GNG8: variants seen among roughly 807,000 people sequenced by gnomAD.
The protein encoded by GNG8 is G protein subunit gamma 8.
GNG8 carries 3 observed loss-of-function variants against 4.6 expected under a neutral mutation model. The ratio of observed to expected loss-of-function variants is 0.65; its 90% CI spans 0.29 to 1.67. GNG8 has a LOEUF of 1.67. GNG8 is among the 40% of genes most tolerant of loss of function. The pLI is 0.10. For missense variants in GNG8, 88 were observed against 95.2 expected (o/e 0.92, Z 0.32); for synonymous variants, 32 against 40.5 (o/e 0.79, Z 0.80).
At position 46,635,754 on chromosome 19, in the gene GNG8, AG is replaced by A. The variant is rs371867488; in HGVS notation, c.-44+392del. The stretch of plus-strand genomic sequence containing the variant: ...GGGAGAGGATGGAGGAGATGGAGGG[AG>A]GGGGTGTGGGGTGGGAGAGGATGGA... On this transcript the variant is annotated intron_variant, in intron 1 of 2. Transcript: ENST00000693335. Among the ~76,000 whole-genome samples, 33 of 10,210 alleles carry A rather than the reference AG, an allele frequency of 3.2e-3. 3 individuals carry two copies. The East Asian group carries it at 0.036, about 11-fold the overall frequency. 6.7% of individuals were successfully genotyped at this position (10,210 alleles called of 152,430 possible). A position where few individuals can be genotyped will look rare whatever the true frequency, so the allele number is the denominator to read the frequency against.
At chr19:46,637,348 CCCATCT>C (rs2052875445), upstream of GNG8, 1 of 152,454 alleles carries the variant, frequency 6.6e-6, no homozygotes. Flanking sequence ...ACGCACGCAA[CCCATCT>C]CCTGGTGTCA....
At chr19:46,635,371 C>G (rs1599780459) in intron 1 of GNG8, among the ~76,000 whole-genome samples, 1 of 145,260 alleles carries the variant, frequency 6.9e-6, no homozygotes, top group Non-Finnish European at 1.5e-5. Context: ...AATGAAGAGA[C>G]GGGGAGGAAT....
rs551844738 is a variant in GNG8, at chr19:46,634,603, A to G, written c.80T>C (p.Met27Thr). 1 of 1,610,802 alleles carries G rather than the reference A, an allele frequency of 6.2e-7. No individual in the cohort carries two copies. Among genetic ancestry groups the G allele is most frequent in the Non-Finnish European group, 8.5e-7 (1 of 1,178,668 alleles). ...QLKLEVNIDR[M>T]KVSQAAAELL... ...TTCCCCACCCCGACCCAGCACCTTC[A>G]TGCGGTCGATGTTCACCTCCAGCTT... Residue 27 changes from methionine to threonine, a missense_variant, in exon 2 of 3, where the codon ATG (methionine) becomes ACG (threonine). Physicochemically the swap from Met to Thr is moderately conservative, Grantham distance 81. Transcript: ENST00000693335.
At chr19:46,638,297 C>A (rs1274583436), upstream of GNG8, 2 of 152,960 alleles carry the variant, frequency 1.3e-5, no homozygotes, top group Admixed American at 1.3e-4. The surrounding 1 kb of genome is among the most constrained non-coding windows in gnomAD (Gnocchi z 4.7). Flanking sequence ...CAGTCAGCGA[C>A]ATGTCATCTC....
intron 1 of GNG8, among the ~76,000 whole-genome samples, 82 bp downstream of exon 1, chr19:46,636,065 C>T (rs2052866423): frequency 6.6e-6 from 1 of 152,082 alleles, no homozygotes; most frequent in Admixed American, 6.5e-5. Context: ...CACTCATTCA[C>T]TCATTCATTC....
chr19:46,635,767 T>G (rs887444368), intron 1 of GNG8, among the ~76,000 whole-genome samples: 6 of 7,322 alleles, frequency 8.2e-4, no homozygotes, highest in Admixed American at 2.5e-3. Flanking sequence ...GGGTGTGGGG[T>G]GGGAGAGGAT....
At chr19:46,634,525 G>C (rs529781943) in intron 2 of GNG8, 74 bp downstream of exon 2, 8 of 1,356,466 alleles carry the variant, frequency 5.9e-6, no homozygotes, top group African/African-American at 1.5e-5. Context: ...CTATGGCTCC[G>C]AGCCGGGCCG....
chr19:46,639,014 T>C (rs1599782040), upstream of GNG8: 1 of 152,744 alleles, frequency 6.5e-6, no homozygotes, highest in Non-Finnish European at 1.4e-5. The surrounding 1 kb of genome is among the most constrained non-coding windows in gnomAD (Gnocchi z 5.2). Flanking sequence ...GGGAGGGCGC[T>C]GCGGAGAGAG....
rs565799893 is a variant in GNG8, at chr19:46,634,208, C to G, written c.85-4G>C. The G allele has an allele frequency of 3.4e-5, 54 of 1,602,408 alleles. No homozygotes were observed. In the South Asian group the frequency reaches 5.8e-4, roughly 17 times the overall value. ...GTTCCGCTGCTGCCTGCGACACCTG[C>G]GAGCACCCGGGTGGAGATGTCACCG... On this transcript the variant is annotated splice_polypyrimidine_tract_variant and splice_region_variant and intron_variant, in intron 2 of 2. Coordinates refer to ENST00000693335, the MANE Select transcript of GNG8 (RefSeq NM_033258.2).
Position 46,634,221 on chromosome 19 carries a change from G to A in GNG8, c.85-17C>T. On this transcript the variant is annotated splice_polypyrimidine_tract_variant and intron_variant, in intron 2 of 2. Coordinates refer to ENST00000693335, the MANE Select transcript of GNG8 (RefSeq NM_033258.2). ...CTGCGACACCTGCGAGCACCCGGGT[G>A]GAGATGTCACCGCCCTGCCCGGCTC... 1 of 1,596,026 alleles carries A rather than the reference G, an allele frequency of 6.3e-7. No homozygotes were observed.
upstream of GNG8, chr19:46,638,724 A>T (rs555938274): frequency 1.3e-5 from 2 of 152,526 alleles, no homozygotes; most frequent in East Asian, 3.9e-4. The surrounding 1 kb of genome is among the most constrained non-coding windows in gnomAD (Gnocchi z 4.7). Flanking sequence ...TGCCGGCCAC[A>T]TGAGGGCGCG....
At position 46,634,179 on chromosome 19, in the gene GNG8, A is replaced by G. The variant is rs2052846690; in HGVS notation, c.110T>C (p.Leu37Pro). 2 of 1,612,898 alleles carry G rather than the reference A, an allele frequency of 1.2e-6. No homozygotes were observed. The highest frequency in any genetic ancestry group is 4.5e-5 in the East Asian group (2 of 44,862). Residue 37 changes from leucine to proline, a missense_variant, in exon 3 of 3, where the codon CTG becomes CCG. Transcript: ENST00000693335. ...MKVSQAAAEL[L>P]AFCETHAKDD... ...TTTGGCATGCGTCTCGCAGAAAGCC[A>G]GGAGTTCCGCTGCTGCCTGCGACAC...
rs2052845098 is a variant in GNG8 at position 46,634,066 on chromosome 19, T to C, written c.*10A>G. 6.2e-7 allele frequency: 1 copy of C among 1,609,008 alleles called. No individual in the cohort carries two copies. Among genetic ancestry groups the C allele is most frequent in the African/African-American group, 1.3e-5 (1 of 74,708 alleles). On this transcript the variant is annotated 3_prime_UTR_variant, in exon 3 of 3. Coordinates refer to ENST00000693335, the MANE Select transcript of GNG8 (RefSeq NM_033258.2). ...TACTTTGGCAGGGGAGGGTAAGCTGTCCGGAGGGCTCAGAGCAGAACACAA... is the reference window on the plus strand; with the variant it reads ...TACTTTGGCAGGGGAGGGTAAGCTGCCCGGAGGGCTCAGAGCAGAACACAA...
chr19:46,638,941 A>AG, upstream of GNG8: 1 of 153,162 alleles, frequency 6.5e-6, no homozygotes. This position sits in a 1 kb window ranked among gnomAD's most constrained non-coding sequence, Gnocchi z 4.7. Context: ...AGAGAGACGC[A>AG]GGGGGCTATA....
At chr19:46,636,753 C>T (rs1282038633), upstream of GNG8, 3 of 151,868 alleles carry the variant, frequency 2.0e-5, no homozygotes, top group African/African-American at 7.3e-5. Context: ...CACAGTGTCA[C>T]ACATAATGTC....
upstream of GNG8, chr19:46,639,190 C>T (rs1373035203): frequency 6.6e-6 from 1 of 152,362 alleles, no homozygotes. This position sits in a 1 kb window ranked among gnomAD's most constrained non-coding sequence, Gnocchi z 5.2. Flanking sequence ...AGTGGGGACC[C>T]GACGACGGAG....
At chr19:46,635,400 G>GGCAC in intron 1 of GNG8, among the ~76,000 whole-genome samples, 1 of 147,666 alleles carries the variant, frequency 6.8e-6, no homozygotes, top group Non-Finnish European at 1.5e-5. Context: ...GGAGAGACTG[G>GGCAC]GGGAGGAATG....
At chr19:46,638,839 G>A (rs2052884597), upstream of GNG8, 1 of 153,534 alleles carries the variant, frequency 6.5e-6, no homozygotes, top group East Asian at 1.9e-4. The surrounding 1 kb of genome is among the most constrained non-coding windows in gnomAD (Gnocchi z 4.7). Context: ...GGGACCAGAG[G>A]AAGCACGGCA....
upstream of GNG8, among the ~76,000 whole-genome samples, chr19:46,636,394 C>T (rs2052869503): frequency 6.6e-6 from 1 of 152,164 alleles, no homozygotes; most frequent in African/African-American, 2.4e-5. Flanking sequence ...GTGACTCTCT[C>T]TGTGCCTCTC....
Sources: gnomAD v4.1 joint callset for allele counts (sites outside exome capture counted in the v4.1 genomes callset) on GRCh38, gnomAD v4.1.1 for gene constraint, Gnocchi (gnomAD v3.1) non-coding constraint, MANE v1.5 for transcripts, NCBI Gene and HGNC (gene_info 2026-07-23, HGNC 2026-07-21) for gene names.